The following GRM5 variants were observed in gnomAD, a reference collection of about 807,000 sequenced individuals.
GRM5 encodes glutamate metabotropic receptor 5, also known as metabotropic glutamate receptor 5.
A neutral mutation model predicts 83.1 loss-of-function variants in GRM5; 19 were observed. The observed-to-expected ratio is 0.23, with a 90% CI of 0.16 to 0.34. The LOEUF is 0.34. Ranked by LOEUF, GRM5 falls within the 10% of genes least tolerant of loss-of-function variation. The probability of loss-of-function intolerance (pLI) is 1.00; values close to 1 mark genes in which losing one functional copy is unlikely to be tolerated. For synonymous variants in GRM5, 675 were observed against 633.6 expected (o/e 1.07, Z -0.98); for missense variants, 1,160 against 1,588.3 (o/e 0.73, Z 4.58).
intron 2 of GRM5, among the ~76,000 whole-genome samples, chr11:88,893,419 A>G (rs1301811504): frequency 7.2e-5 from 11 of 151,990 alleles, no homozygotes; most frequent in Admixed American, 3.3e-4. Flanking sequence ...GATGGTAAAT[A>G]CCTGTCCTAA....
intron 3 of GRM5, among the ~76,000 whole-genome samples, chr11:88,684,812 T>C (rs1473531934): frequency 6.6e-6 from 1 of 152,212 alleles, no homozygotes; most frequent in African/African-American, 2.4e-5. Context: ...TCTGCCTCAT[T>C]TTTTTCTTGT....
At chr11:88,541,923 TAGTG>T (rs1942277665) in intron 8 of GRM5, among the ~76,000 whole-genome samples, 1 of 152,194 alleles carries the variant, frequency 6.6e-6, no homozygotes, top group East Asian at 1.9e-4. Flanking sequence ...CTTCTCATGA[TAGTG>T]AGTGACTTCT....
intron 3 of GRM5, among the ~76,000 whole-genome samples, chr11:88,818,810 A>AT (rs1214493471): frequency 6.6e-6 from 1 of 152,150 alleles, no homozygotes; most frequent in East Asian, 1.9e-4. Context: ...GCAGATTTCA[A>AT]TTTTATGCAA....
intron 8 of GRM5, among the ~76,000 whole-genome samples, chr11:88,543,438 C>T (rs35558844): frequency 2.0e-5 from 3 of 152,098 alleles, no homozygotes; most frequent in African/African-American, 7.2e-5. Context: ...CAGAAGGTTT[C>T]TGAAGGCAGG....
intron 2 of GRM5, among the ~76,000 whole-genome samples, chr11:88,941,950 A>G (rs576810889): frequency 2.0e-5 from 3 of 152,058 alleles, no homozygotes; most frequent in Non-Finnish European, 4.4e-5. Context: ...TCAATGTTAC[A>G]CAAAAAAATT....
chr11:89,017,294 C>A (rs1940881879), intron 2 of GRM5, among the ~76,000 whole-genome samples: 1 of 152,146 alleles, frequency 6.6e-6, no homozygotes, highest in African/African-American at 2.4e-5. Context: ...GTAGACTCTT[C>A]TGTTAATACT....
chr11:89,024,155 G>T (rs184260050), intron 2 of GRM5, among the ~76,000 whole-genome samples: 2 of 152,004 alleles, frequency 1.3e-5, no homozygotes, highest in East Asian at 3.9e-4. Context: ...GGCAGAGGTC[G>T]CAATGAGTTG....
At chr11:89,010,719 G>A (rs1213891577) in intron 2 of GRM5, among the ~76,000 whole-genome samples, 4 of 151,220 alleles carry the variant, frequency 2.6e-5, no homozygotes, top group Non-Finnish European at 5.9e-5. Flanking sequence ...AACACAGAGA[G>A]CCAAAGTGAC....
chr11:88,508,372 G>C lies in GRM5; in HGVS notation c.*220C>G, dbSNP rs2135070158. 2.1e-6 allele frequency: 1 copy of C among 470,148 alleles called. No individual in the cohort carries two copies. Among genetic ancestry groups the C allele is most frequent in the African/African-American group, 2.1e-5 (1 of 48,674 alleles). The allele number at this position is 470,148 out of a possible 1,614,324, so 29.1% of individuals were successfully genotyped here. A position where few individuals can be genotyped will look rare whatever the true frequency, so the allele number is the denominator to read the frequency against. ...TCAGCCGTGTTTCTTAAAAGCCCAT[G>C]TTTTCTAAGGCCACTAGAAGAAAAT... On this transcript the variant is annotated 3_prime_UTR_variant, in exon 10 of 10. Coordinates refer to ENST00000305447, the MANE Select transcript of GRM5 (RefSeq NM_001143831.3). The surrounding 1 kb of genome is among the most constrained non-coding windows in gnomAD (Gnocchi z 4.2).
intron 4 of GRM5, among the ~76,000 whole-genome samples, chr11:88,608,609 C>T (rs1302072875): frequency 6.8e-6 from 1 of 147,404 alleles, no homozygotes; most frequent in Non-Finnish European, 1.5e-5. Flanking sequence ...AGCTCCATCT[C>T]CTGGGTTCAC....
chr11:88,599,410 G>T (rs1187672738), intron 5 of GRM5, among the ~76,000 whole-genome samples: 2 of 152,090 alleles, frequency 1.3e-5, no homozygotes, highest in Admixed American at 6.5e-5. Flanking sequence ...CAAACACAAA[G>T]ATATTATCAC....
At chr11:88,961,204 G>A (rs747728468) in intron 2 of GRM5, among the ~76,000 whole-genome samples, 3 of 152,092 alleles carry the variant, frequency 2.0e-5, no homozygotes, top group East Asian at 1.9e-4. Context: ...CCAAAAGTAG[G>A]CACCATATAT....
chr11:88,888,804 G>A (rs751184230), intron 2 of GRM5, among the ~76,000 whole-genome samples: 1 of 152,096 alleles, frequency 6.6e-6, no homozygotes, highest in South Asian at 2.1e-4. Flanking sequence ...GTATGGTTCT[G>A]TCCAAAGAAA....
At chr11:88,967,250 T>TATATATATATGTATATATATATATACAC (rs1939009396) in intron 2 of GRM5, among the ~76,000 whole-genome samples, 3 of 2,090 alleles carry the variant, frequency 1.4e-3, no homozygotes, top group Non-Finnish European at 2.8e-3. Flanking sequence ...TATATACACA[T>TATATATATATGTATATATATATATACAC]ATATATATAT....
intron 4 of GRM5, among the ~76,000 whole-genome samples, chr11:88,618,007 C>G (rs1469720054): frequency 6.6e-6 from 1 of 152,168 alleles, no homozygotes; most frequent in Admixed American, 6.5e-5. Flanking sequence ...TGATTTGACT[C>G]TGGTCAGCAT....
intron 2 of GRM5, among the ~76,000 whole-genome samples, chr11:88,979,298 G>A (rs1197406315): frequency 6.6e-6 from 1 of 152,152 alleles, no homozygotes; most frequent in Non-Finnish European, 1.5e-5. Context: ...ATAACGCCGG[G>A]AGGGTTTATT....
At chr11:88,524,729 G>T (rs1299208625) in intron 9 of GRM5, among the ~76,000 whole-genome samples, 1 of 152,208 alleles carries the variant, frequency 6.6e-6, no homozygotes, top group Non-Finnish European at 1.5e-5. Flanking sequence ...AGCTATGGTA[G>T]CTAGAGGAGG....
intron 3 of GRM5, among the ~76,000 whole-genome samples, chr11:88,780,465 T>C (rs1191035369): frequency 1.3e-5 from 2 of 152,174 alleles, no homozygotes; most frequent in African/African-American, 4.8e-5. Context: ...TTTATGATGT[T>C]GGGAGAGTAC....
intron 2 of GRM5, among the ~76,000 whole-genome samples, chr11:88,911,208 C>G (rs965243374): frequency 1.3e-5 from 2 of 152,072 alleles, no homozygotes; most frequent in African/African-American, 4.8e-5. Context: ...ATATAAAGCT[C>G]TGCTCCAGGC....
Sources: allele counts gnomAD v4.1 joint callset (sites outside exome capture counted in the v4.1 genomes callset), GRCh38; gene constraint gnomAD v4.1.1; non-coding constraint Gnocchi (gnomAD v3.1); transcripts MANE v1.5; gene names NCBI Gene and HGNC (gene_info 2026-07-23, HGNC 2026-07-21).